Variants in GRID2 observed in about 807,000 individuals in gnomAD.
GRID2 encodes glutamate ionotropic receptor delta type subunit 2.
GRID2 carries 33 observed loss-of-function variants against 114.8 expected under a neutral mutation model. That is an observed-to-expected ratio of 0.29 (90% CI 0.22 to 0.38). The LOEUF is 0.38. GRID2 is among the 10% of genes least tolerant of loss of function. The pLI is 1.00. For synonymous variants in GRID2, 505 were observed against 449.9 expected (o/e 1.12, Z -1.55); for missense variants, 1,184 against 1,257.7 (o/e 0.94, Z 0.89).
chr4:93,296,687 C>T (rs17020343), intron 8 of GRID2, among the ~76,000 whole-genome samples: 1 of 152,078 alleles, frequency 6.6e-6, no homozygotes, highest in Non-Finnish European at 1.5e-5. Context: ...TTAACCAAAC[C>T]ACTTATGGTA....
intron 15 of GRID2, among the ~76,000 whole-genome samples, chr4:93,770,766 T>C (rs1734045819): frequency 6.6e-6 from 1 of 152,164 alleles, no homozygotes; most frequent in Admixed American, 6.5e-5. Context: ...AAGTAAGGAC[T>C]CCCCAAGCTC....
At chr4:92,499,367 G>A (rs961930030) in intron 1 of GRID2, among the ~76,000 whole-genome samples, 2 of 152,012 alleles carry the variant, frequency 1.3e-5, no homozygotes, top group African/African-American at 4.8e-5. Flanking sequence ...TTATTCTGCT[G>A]CCCATTCCTC....
At chr4:93,275,187 T>C (rs1251379619) in intron 8 of GRID2, among the ~76,000 whole-genome samples, 1 of 151,962 alleles carries the variant, frequency 6.6e-6, no homozygotes, top group African/African-American at 2.4e-5. Context: ...TGTAACTGGC[T>C]TCATTCACTT....
chr4:93,019,682 CA>C (rs895759474), intron 2 of GRID2, among the ~76,000 whole-genome samples: 17 of 152,152 alleles, frequency 1.1e-4, no homozygotes, highest in Admixed American at 3.9e-4. Context: ...GTCAGGATTA[CA>C]TGCCCAAAGC....
At chr4:93,115,208 G>A (rs1579030712) in intron 4 of GRID2, among the ~76,000 whole-genome samples, 1 of 151,566 alleles carries the variant, frequency 6.6e-6, no homozygotes, top group South Asian at 2.1e-4. Context: ...TCTACCTCCA[G>A]TTATTCTTTT....
intron 4 of GRID2, among the ~76,000 whole-genome samples, chr4:93,133,450 A>G (rs1275829707): frequency 6.6e-6 from 1 of 152,292 alleles, no homozygotes; most frequent in East Asian, 1.9e-4. Context: ...ACTCATTACT[A>G]TCTTACTTTT....
Position 93,276,792 on chromosome 4 carries a change from C to T in GRID2, c.1245+38302C>T, listed in dbSNP as rs529805375. Among the ~76,000 whole-genome samples the T allele has an allele frequency of 2.6e-5, 4 of 151,922 alleles. No individual in the cohort carries two copies. The South Asian group carries it at 8.3e-4, about 32-fold the overall frequency. ...TCCTAAAACCTGTGTGAAGCAGATA[C>T]CTTTTTTTATATGTACTGTATTGCC... On this transcript the variant is annotated intron_variant, in intron 8 of 15. Coordinates refer to ENST00000282020, the MANE Select transcript of GRID2 (RefSeq NM_001510.4).
intron 2 of GRID2, among the ~76,000 whole-genome samples, chr4:93,055,533 C>T (rs1488110089): frequency 6.6e-6 from 1 of 151,810 alleles, no homozygotes; most frequent in Non-Finnish European, 1.5e-5. Flanking sequence ...ACAACAACAA[C>T]AACAACAAAA....
At chr4:93,278,180 A>G (rs1400662383) in intron 8 of GRID2, among the ~76,000 whole-genome samples, 1 of 151,906 alleles carries the variant, frequency 6.6e-6, no homozygotes, top group African/African-American at 2.4e-5. Context: ...AAGTTTCCAT[A>G]GTAGGTTACT....
chr4:92,698,234 C>T (rs1734511796), intron 2 of GRID2, among the ~76,000 whole-genome samples: 2 of 152,130 alleles, frequency 1.3e-5, no homozygotes. Flanking sequence ...GTTCTGATTT[C>T]AGCAATGGTT....
At chr4:92,742,236 T>C (rs17019848) in intron 2 of GRID2, among the ~76,000 whole-genome samples, 8,466 of 152,268 alleles carry the variant, frequency 0.056, 306 homozygotes, top group Middle Eastern at 0.16. Context: ...AAAACTCTCC[T>C]GTTAGTAAAT....
intron 2 of GRID2, among the ~76,000 whole-genome samples, chr4:92,716,086 C>A (rs1210197281): frequency 1.3e-5 from 2 of 152,146 alleles, no homozygotes; most frequent in African/African-American, 2.4e-5. Flanking sequence ...ATGACATAGT[C>A]ATTAGCAAGG....
At chr4:92,624,348 A>G (rs1008131118) in intron 2 of GRID2, among the ~76,000 whole-genome samples, 1 of 151,768 alleles carries the variant, frequency 6.6e-6, no homozygotes, top group African/African-American at 2.4e-5. Flanking sequence ...TCATAGCTTT[A>G]TTATCTACTT....
chr4:92,998,830 A>G (rs1009324931), intron 2 of GRID2, among the ~76,000 whole-genome samples: 2 of 151,904 alleles, frequency 1.3e-5, no homozygotes, highest in Non-Finnish European at 2.9e-5. Flanking sequence ...CATTTAAAAA[A>G]ATATTATTTA....
intron 2 of GRID2, among the ~76,000 whole-genome samples, chr4:92,758,980 C>T (rs982862112): frequency 1.3e-5 from 2 of 152,072 alleles, no homozygotes; most frequent in African/African-American, 2.4e-5. Context: ...AATTACTCTC[C>T]TAGGAGAATC....
At chr4:92,908,430 G>A (rs115486359) in intron 2 of GRID2, among the ~76,000 whole-genome samples, 188 of 152,058 alleles carry the variant, frequency 1.2e-3, no homozygotes, top group African/African-American at 4.2e-3. Context: ...AAGCAAGATA[G>A]AGCTTTCTTA....
intron 6 of GRID2, among the ~76,000 whole-genome samples, chr4:93,221,392 G>T (rs1328674804): frequency 6.6e-6 from 1 of 152,152 alleles, no homozygotes; most frequent in South Asian, 2.1e-4. Flanking sequence ...GGAGGTGAGT[G>T]TGGAGATTTG....
At chr4:92,889,288 A>G (rs1424686225) in intron 2 of GRID2, among the ~76,000 whole-genome samples, 1 of 152,196 alleles carries the variant, frequency 6.6e-6, no homozygotes, top group Non-Finnish European at 1.5e-5. Context: ...AAGAGAAAGA[A>G]ATAAAGGGTA....
intron 1 of GRID2, among the ~76,000 whole-genome samples, chr4:92,417,887 A>T (rs1240431941): frequency 6.6e-6 from 1 of 152,084 alleles, no homozygotes; most frequent in Admixed American, 6.6e-5. Flanking sequence ...GGTTTTATAA[A>T]TGGGATTTCC....
Sources: allele counts gnomAD v4.1 joint callset (sites outside exome capture counted in the v4.1 genomes callset), GRCh38; gene constraint gnomAD v4.1.1; transcripts MANE v1.5; gene names NCBI Gene and HGNC (gene_info 2026-07-23, HGNC 2026-07-21).